EPHA3: variants seen among roughly 807,000 people sequenced by gnomAD.
The protein encoded by EPHA3 is EPH receptor A3, also known as ephrin type-A receptor 3.
EPHA3 carries 42 observed loss-of-function variants against 107.1 expected under a neutral mutation model. The ratio of observed to expected loss-of-function variants is 0.39; its 90% CI spans 0.31 to 0.51. EPHA3 has a LOEUF of 0.51. EPHA3 is among the 20% of genes least tolerant of loss of function. The pLI, the probability that EPHA3 is intolerant of heterozygous loss-of-function variation, is 0.78. For synonymous variants in EPHA3, 461 were observed against 424.8 expected (o/e 1.09, Z -1.05); for missense variants, 1,183 against 1,211.2 (o/e 0.98, Z 0.35).
At chr3:89,340,809 T>G (rs1707500947) in intron 3 of EPHA3, 107 bp from the exon 4 acceptor site, 1 of 1,230,140 alleles carries the variant, frequency 8.1e-7, no homozygotes, top group Non-Finnish European at 1.1e-6. Context: ...AGGAAAAAAC[T>G]TGATTTTTAT....
chr3:89,390,464 G>A (rs1377672183), intron 5 of EPHA3, among the ~76,000 whole-genome samples: 1 of 151,966 alleles, frequency 6.6e-6, no homozygotes, highest in Non-Finnish European at 1.5e-5. Flanking sequence ...GCTAGGCATG[G>A]TGGCCTTCGC....
At position 89,340,923 on chromosome 3, in the gene EPHA3, A is replaced by G. The variant is rs1707504124; in HGVS notation, c.822A>G (p.Arg274=). Residue 274 remains arginine, a synonymous_variant, in exon 4 of 17, where the codon CGA becomes CGG. Transcript: ENST00000336596. The part of the protein sequence containing the change: ...EERGFMCQAC[R]PGFYKALDGN... ...GAGTCATTTTGTTTGTAGCTTGTCGACCAGGTTTCTACAAGGCATTGGATG... is the reference window on the plus strand; with the variant it reads ...GAGTCATTTTGTTTGTAGCTTGTCGGCCAGGTTTCTACAAGGCATTGGATG... The G allele has an allele frequency of 1.2e-6, 2 of 1,602,410 alleles. No individual in the cohort carries two copies. Among genetic ancestry groups the G allele is most frequent in the African/African-American group, 1.3e-5 (1 of 74,368 alleles).
chr3:89,382,227 G>C (rs1173296686), intron 5 of EPHA3, among the ~76,000 whole-genome samples: 4 of 152,214 alleles, frequency 2.6e-5, no homozygotes, highest in Non-Finnish European at 5.9e-5. Context: ...AGAGACTATG[G>C]CTGGGGGTGG....
At chr3:89,208,379 A>G (rs1044819143) in intron 2 of EPHA3, among the ~76,000 whole-genome samples, 2 of 134,536 alleles carry the variant, frequency 1.5e-5, no homozygotes, top group African/African-American at 2.9e-5. Flanking sequence ...AAAAAAAAAA[A>G]AAAAGAAAAG....
At position 89,383,266 on chromosome 3, in the gene EPHA3, G is replaced by A. The variant is rs186798976; in HGVS notation, c.1307-12571G>A. 3.5e-4 allele frequency among the ~76,000 whole-genome samples: 53 copies of A among 152,106 alleles called. No homozygotes were observed. In the East Asian group the frequency reaches 7.7e-3, roughly 22 times the overall value. On this transcript the variant is annotated intron_variant, in intron 5 of 16. Coordinates refer to ENST00000336596, the MANE Select transcript of EPHA3 (RefSeq NM_005233.6). ...ATAACATAATATATAATGGCATTTC[G>A]TTTTACTCCTTTCTATCCTATGCTT...
At chr3:89,124,077 T>A (rs375901504) in intron 1 of EPHA3, among the ~76,000 whole-genome samples, 2 of 152,202 alleles carry the variant, frequency 1.3e-5, no homozygotes, top group African/African-American at 4.8e-5. Context: ...TGAAATAAAC[T>A]ATCCAACTAC....
chr3:89,166,404 T>TTG (rs1467709541), intron 2 of EPHA3, among the ~76,000 whole-genome samples: 2,033 of 152,262 alleles, frequency 0.013, 45 homozygotes, highest in African/African-American at 0.043. Context: ...CTAAAACACA[T>TTG]GGAGAGGAAG....
chr3:89,412,557 AC>A (rs1358154123), intron 9 of EPHA3, among the ~76,000 whole-genome samples: 3 of 151,682 alleles, frequency 2.0e-5, no homozygotes, highest in Admixed American at 2.0e-4. Context: ...ATACATGTAT[AC>A]ACATACTAAC....
intron 10 of EPHA3, among the ~76,000 whole-genome samples, chr3:89,415,483 T>C (rs1229143440): frequency 3.4e-5 from 5 of 146,750 alleles, no homozygotes; most frequent in African/African-American, 9.9e-5. Flanking sequence ...TATATATATA[T>C]ATATATATAA....
At chr3:89,452,728 T>A (rs547528399) in intron 15 of EPHA3, among the ~76,000 whole-genome samples, 2 of 152,110 alleles carry the variant, frequency 1.3e-5, no homozygotes, top group African/African-American at 2.4e-5. Flanking sequence ...TGGCTTTTGT[T>A]CCTATGATTT....
intron 1 of EPHA3, among the ~76,000 whole-genome samples, chr3:89,108,410 G>C (rs1270223058): frequency 6.6e-6 from 1 of 152,178 alleles, no homozygotes; most frequent in Non-Finnish European, 1.5e-5. Flanking sequence ...CTATGGTACA[G>C]GTTCTAAAGA....
chr3:89,447,334 A>T (rs935890498), intron 13 of EPHA3, among the ~76,000 whole-genome samples: 9 of 152,114 alleles, frequency 5.9e-5, no homozygotes, highest in African/African-American at 2.2e-4. Flanking sequence ...TTGCAGGCTT[A>T]TTCTTCCTGC....
intron 3 of EPHA3, among the ~76,000 whole-genome samples, chr3:89,217,034 T>C (rs1704236519): frequency 6.6e-6 from 1 of 152,142 alleles, no homozygotes; most frequent in African/African-American, 2.4e-5. Flanking sequence ...TTGAACACTT[T>C]CCACCTTTTT....
Position 89,450,656 on chromosome 3 carries a change from C to T in EPHA3, c.2690+286C>T, listed in dbSNP as rs149373704. On this transcript the variant is annotated intron_variant, in intron 15 of 16. Coordinates refer to ENST00000336596, the MANE Select transcript of EPHA3 (RefSeq NM_005233.6). ...GGAATACTGGAGGGGTGCGGTGGCT[C>T]GTGCCTGTAATCCAAGCACTTTGGT... Among the ~76,000 whole-genome samples, 3 of 152,156 alleles carry T rather than the reference C, an allele frequency of 2.0e-5. No individual in the cohort carries two copies. The East Asian group carries it at 5.8e-4, about 29-fold the overall frequency.
chr3:89,369,810 G>A lies in EPHA3; in HGVS notation c.1307-26027G>A, dbSNP rs555284146. ...ACAATGAACTCAAACAAATTTACAA[G>A]AAAAAAACAAACAACCCCATCAAAA... On this transcript the variant is annotated intron_variant, in intron 5 of 16. Transcript: ENST00000336596. 2.1e-4 allele frequency among the ~76,000 whole-genome samples: 31 copies of A among 149,356 alleles called. 1 individual carries two copies. In the South Asian group the frequency reaches 3.8e-3, roughly 18 times the overall value.
At chr3:89,233,220 A>G (rs1704678054) in intron 3 of EPHA3, among the ~76,000 whole-genome samples, 1 of 152,168 alleles carries the variant, frequency 6.6e-6, no homozygotes, top group South Asian at 2.1e-4. Context: ...TGAATTATTT[A>G]GAAAATCAAA....
intron 1 of EPHA3, among the ~76,000 whole-genome samples, chr3:89,115,769 T>C (rs1707240276): frequency 6.6e-6 from 1 of 152,034 alleles, no homozygotes; most frequent in Non-Finnish European, 1.5e-5. Flanking sequence ...ACTGAGAAAA[T>C]GGATCATAAT....
At chr3:89,402,773 A>G (rs1353304444) in intron 7 of EPHA3, among the ~76,000 whole-genome samples, 3 of 152,022 alleles carry the variant, frequency 2.0e-5, no homozygotes, top group African/African-American at 7.2e-5. Flanking sequence ...TCAGCTCCCT[A>G]CAAAATCCGC....
At chr3:89,421,553 GA>G (rs1412937108) in intron 11 of EPHA3, among the ~76,000 whole-genome samples, 3 of 151,016 alleles carry the variant, frequency 2.0e-5, no homozygotes, top group Admixed American at 6.6e-5. Flanking sequence ...GTGTAATTAA[GA>G]AAAAAATGAG....
Sources: allele counts gnomAD v4.1 joint callset (sites outside exome capture counted in the v4.1 genomes callset), GRCh38; gene constraint gnomAD v4.1.1; transcripts MANE v1.5; gene names NCBI Gene and HGNC (gene_info 2026-07-23, HGNC 2026-07-21).